KCNH5: variants seen among roughly 807,000 people sequenced by gnomAD.
KCNH5 encodes the protein voltage-gated delayed rectifier potassium channel KCNH5.
A neutral mutation model predicts 96.1 loss-of-function variants in KCNH5; 46 were observed. The observed-to-expected ratio is 0.48, with a 90% confidence interval of 0.38 to 0.61. The LOEUF is 0.61. Ranked by LOEUF, KCNH5 falls within the 20% of genes least tolerant of loss-of-function variation. The pLI, the probability that KCNH5 is intolerant of heterozygous loss-of-function variation, is 0.00. For synonymous variants in KCNH5, 439 were observed against 449.8 expected (o/e 0.98, Z 0.30); for missense variants, 907 against 1,225.8 (o/e 0.74, Z 3.88).
chr14:62,977,281 C>T (rs550812753), intron 6 of KCNH5, among the ~76,000 whole-genome samples: 1 of 152,050 alleles, frequency 6.6e-6, no homozygotes, highest in African/African-American at 2.4e-5. Flanking sequence ...GCAGGAGAAT[C>T]GCTTGAACCT....
chr14:62,988,869 A>T (rs1890759286), intron 4 of KCNH5, among the ~76,000 whole-genome samples: 1 of 151,802 alleles, frequency 6.6e-6, no homozygotes, highest in Non-Finnish European at 1.5e-5. Context: ...ATCTGACAAC[A>T]CTCAACATGT....
chr14:62,986,237 C>T (rs936441895), intron 5 of KCNH5, among the ~76,000 whole-genome samples: 1 of 152,092 alleles, frequency 6.6e-6, no homozygotes, highest in African/African-American at 2.4e-5. Flanking sequence ...AAACTATGGA[C>T]CTCTTCTTAG....
chr14:62,927,607 T>C (rs1394324311), intron 7 of KCNH5, among the ~76,000 whole-genome samples: 3 of 152,126 alleles, frequency 2.0e-5, no homozygotes, highest in African/African-American at 2.4e-5. Context: ...TTGAGGACAC[T>C]ATGCTAAGTG....
chr14:62,999,245 G>C (rs1890966854), intron 4 of KCNH5, among the ~76,000 whole-genome samples: 1 of 152,172 alleles, frequency 6.6e-6, no homozygotes, highest in African/African-American at 2.4e-5. Flanking sequence ...GTGCGAGATG[G>C]TATCTCATTG....
intron 8 of KCNH5, among the ~76,000 whole-genome samples, chr14:62,808,033 T>C (rs10747298): frequency 0.47 from 70,902 of 152,012 alleles, 18,255 homozygotes; most frequent in South Asian, 0.71. Flanking sequence ...TGGTATATCT[T>C]AGGCTAGGCT....
intron 10 of KCNH5, among the ~76,000 whole-genome samples, chr14:62,763,346 C>CA (rs533787941): frequency 2.7e-3 from 408 of 149,924 alleles, no homozygotes; most frequent in Non-Finnish European, 4.8e-3. Flanking sequence ...TTGAAAGTAA[C>CA]AAAAAAAAAG....
chr14:62,757,212 G>A (rs1885642534), intron 10 of KCNH5, among the ~76,000 whole-genome samples: 1 of 151,118 alleles, frequency 6.6e-6, no homozygotes, highest in African/African-American at 2.5e-5. Context: ...CCAGAGAAAT[G>A]CAATGCTACA....
At chr14:62,867,662 T>C (rs1888160784) in intron 7 of KCNH5, among the ~76,000 whole-genome samples, 1 of 152,144 alleles carries the variant, frequency 6.6e-6, no homozygotes, top group Middle Eastern at 3.2e-3. Flanking sequence ...TGCTGAAAAG[T>C]TTCCAGGGGC....
intron 1 of KCNH5, 56 bp from the exon 2 acceptor site, chr14:63,017,010 A>G: frequency 6.5e-7 from 1 of 1,534,002 alleles, no homozygotes; most frequent in Non-Finnish European, 8.8e-7. Flanking sequence ...CAATGCACTT[A>G]TTTCAAGTAA....
At chr14:62,839,161 G>A (rs1307894179) in intron 8 of KCNH5, among the ~76,000 whole-genome samples, 1 of 152,060 alleles carries the variant, frequency 6.6e-6, no homozygotes, top group African/African-American at 2.4e-5. Context: ...ATAAATTGAT[G>A]TTTACAAAAT....
intron 9 of KCNH5, among the ~76,000 whole-genome samples, chr14:62,790,218 T>G (rs907413897): frequency 2.0e-5 from 3 of 151,824 alleles, no homozygotes; most frequent in Non-Finnish European, 4.4e-5. Flanking sequence ...CCGTATATGT[T>G]TGGATTTATT....
In KCNH5 at chr14:63,037,600, T is replaced by G. The variant is rs187425467; in HGVS notation, c.73+7514A>C. Reference sequence around the variant, plus strand: ...TTAATTTTCCCCCAAATTTAAAAAATAAAAATAAATGCCAGCAGACCAAAA... The same window carrying G: ...TTAATTTTCCCCCAAATTTAAAAAAGAAAAATAAATGCCAGCAGACCAAAA... On this transcript the variant is annotated intron_variant, in intron 1 of 10. Transcript: ENST00000322893. 4.0e-3 allele frequency among the ~76,000 whole-genome samples: 606 copies of G among 152,128 alleles called. 3 individuals carry two copies. The highest frequency in any genetic ancestry group is 0.014 in the African/African-American group (567 of 41,512).
At chr14:63,024,381 AAAG>A (rs199914065) in intron 1 of KCNH5, among the ~76,000 whole-genome samples, 279 of 152,180 alleles carry the variant, frequency 1.8e-3, no homozygotes, top group African/African-American at 6.2e-3. Context: ...TGAACTAGAA[AAAG>A]AAGAACAAAC....
Position 62,700,638 on chromosome 14 carries a change from T to C in KCNH5, c.*6870A>G, listed in dbSNP as rs1884333188. 1 of 152,226 alleles carries C rather than the reference T, an allele frequency of 6.6e-6. No individual in the cohort carries two copies. 9.4% of individuals were successfully genotyped at this position (152,226 alleles called of 1,614,324 possible). ...TTGACAGTTCATGGCTGTGACATAA[T>C]ATACCAATATTAAATACTTAGGACT... is the stretch of plus-strand genomic sequence containing the variant. On this transcript the variant is annotated 3_prime_UTR_variant, in exon 11 of 11. Transcript: ENST00000322893.
chr14:62,843,255 G>A (rs541390905), intron 8 of KCNH5, among the ~76,000 whole-genome samples: 4 of 152,204 alleles, frequency 2.6e-5, no homozygotes, highest in African/African-American at 9.6e-5. Context: ...AGCAGAAGTT[G>A]AACACAATAT....
chr14:62,762,756 A>G (rs965463225), intron 10 of KCNH5, among the ~76,000 whole-genome samples: 2 of 152,174 alleles, frequency 1.3e-5, no homozygotes, highest in African/African-American at 4.8e-5. Context: ...TTCAAAAAAA[A>G]AAACAGACTT....
intron 7 of KCNH5, among the ~76,000 whole-genome samples, chr14:62,854,019 C>CAA (rs1003772444): frequency 8.7e-6 from 1 of 115,450 alleles, no homozygotes; most frequent in African/African-American, 2.9e-5. Context: ...AAAAAAAAAA[C>CAA]AAAAAAAACA....
rs1345824531 is a variant in KCNH5, at chr14:62,737,906, A to T, written c.2020-29451T>A. ...CACTGGGGACAATTCCAAGGCCCCC[A>T]GTGGATGCCCAAAACTGCAGACAGT... On this transcript the variant is annotated intron_variant, in intron 10 of 10. Transcript: ENST00000322893. Among the ~76,000 whole-genome samples, 7 of 152,174 alleles carry T rather than the reference A, an allele frequency of 4.6e-5. No individual in the cohort carries two copies. In the East Asian group the frequency reaches 1.2e-3, roughly 25 times the overall value.
At chr14:63,014,834 G>A (rs1349273263) in intron 2 of KCNH5, among the ~76,000 whole-genome samples, 1 of 152,194 alleles carries the variant, frequency 6.6e-6, no homozygotes, top group East Asian at 1.9e-4. Flanking sequence ...ATGAAGACGG[G>A]ATGTCAGCAG....
Sources: allele counts gnomAD v4.1 joint callset (sites outside exome capture counted in the v4.1 genomes callset), GRCh38; gene constraint gnomAD v4.1.1; transcripts MANE v1.5; gene names NCBI Gene and HGNC (gene_info 2026-07-23, HGNC 2026-07-21).